ROR1: variants seen among roughly 807,000 people sequenced by gnomAD.
ROR1 encodes inactive tyrosine-protein kinase transmembrane receptor ROR1.
A neutral mutation model predicts 78.8 loss-of-function variants in ROR1; 19 were observed. The observed-to-expected ratio is 0.24, with a 90% CI of 0.17 to 0.35. ROR1 has a LOEUF of 0.35. Among genes scored for constraint, ROR1 ranks in the 10% least tolerant of loss-of-function variants. The pLI is 1.00. For synonymous variants in ROR1, 386 were observed against 433.6 expected, an observed-to-expected ratio of 0.89 and a Z score of 1.36; for missense variants, 917 against 1,177.8, an observed-to-expected ratio of 0.78 and a Z score of 3.24.
chr1:64,159,361 A>G (rs1283931721), intron 8 of ROR1, among the ~76,000 whole-genome samples, 169 bp downstream of exon 8: 1 of 152,150 alleles, frequency 6.6e-6, no homozygotes, highest in African/African-American at 2.4e-5. Context: ...TATCTAAACC[A>G]AGACACTTTC....
chr1:63,878,641 G>C (rs1645303914), intron 1 of ROR1, among the ~76,000 whole-genome samples: 1 of 152,046 alleles, frequency 6.6e-6, no homozygotes, highest in Non-Finnish European at 1.5e-5. Flanking sequence ...TGCTGACTTT[G>C]CTCCTCAGCA....
chr1:63,790,733 T>C (rs1354625362), intron 1 of ROR1, among the ~76,000 whole-genome samples: 1 of 152,190 alleles, frequency 6.6e-6, no homozygotes, highest in African/African-American at 2.4e-5. Flanking sequence ...TTTTTCTCCC[T>C]CCCTGTTGCT....
intron 1 of ROR1, among the ~76,000 whole-genome samples, chr1:63,793,183 C>A (rs879273708): frequency 5.9e-5 from 9 of 152,120 alleles, no homozygotes; most frequent in Non-Finnish European, 8.8e-5. Flanking sequence ...TCTGGGGCTA[C>A]AGAATGGAAA....
intron 2 of ROR1, among the ~76,000 whole-genome samples, chr1:64,016,962 G>A (rs1187033270): frequency 1.3e-5 from 2 of 151,892 alleles, no homozygotes; most frequent in African/African-American, 2.4e-5. Context: ...CTGTCGCCCA[G>A]GCTGGAGTCC....
chr1:63,929,513 A>C (rs775408382), intron 1 of ROR1, among the ~76,000 whole-genome samples: 27 of 152,144 alleles, frequency 1.8e-4, no homozygotes, highest in Admixed American at 7.2e-4. Context: ...CTCACATATT[A>C]GATTAGGAGC....
rs145546517 is a variant in ROR1 at position 63,843,002 on chromosome 1, C to T, written c.91+68494C>T. ...AAAAGCAGTTTGGCAAGACCAGAAC[C>T]GTCAGGGATGGAGGGAGGAGGAAAA... is the stretch of plus-strand genomic sequence containing the variant. On this transcript the variant is annotated intron_variant, in intron 1 of 8. Coordinates refer to ENST00000371079, the MANE Select transcript of ROR1 (RefSeq NM_005012.4). Among the ~76,000 whole-genome samples the T allele has an allele frequency of 2.7e-4, 41 of 152,144 alleles. 2 individuals are homozygous for T. In the East Asian group the frequency reaches 7.0e-3, roughly 26 times the overall value.
intron 4 of ROR1, chr1:64,111,983 CCTT>C (rs1183150883): frequency 5.9e-5 from 9 of 152,188 alleles, no homozygotes; most frequent in Non-Finnish European, 1.0e-4. Context: ...AACAGCCTCA[CCTT>C]CTTGGGGAGG....
At chr1:64,142,349 G>C in intron 6 of ROR1, 56 bp from the exon 7 acceptor site, 1 of 1,601,276 alleles carries the variant, frequency 6.2e-7, no homozygotes, top group South Asian at 1.1e-5. Context: ...CTAGAGGAGA[G>C]CTCCAGCATC....
intron 1 of ROR1, among the ~76,000 whole-genome samples, chr1:63,957,009 T>G (rs1645987769): frequency 6.6e-6 from 1 of 152,162 alleles, no homozygotes; most frequent in South Asian, 2.1e-4. Flanking sequence ...AGAGTTGAAT[T>G]TAAGCCCTGG....
chr1:63,803,244 A>G (rs530361451), intron 1 of ROR1, among the ~76,000 whole-genome samples: 1 of 152,338 alleles, frequency 6.6e-6, no homozygotes, highest in South Asian at 2.1e-4. Flanking sequence ...GGTGGCTCCT[A>G]ATAATGACTC....
At chr1:63,886,789 C>T (rs1412905020) in intron 1 of ROR1, among the ~76,000 whole-genome samples, 1 of 150,838 alleles carries the variant, frequency 6.6e-6, no homozygotes, top group Non-Finnish European at 1.5e-5. Flanking sequence ...GACCACCCAC[C>T]TCCACACTGG....
intron 4 of ROR1, among the ~76,000 whole-genome samples, chr1:64,060,753 C>A (rs1048088341): frequency 8.5e-5 from 13 of 152,076 alleles, no homozygotes; most frequent in African/African-American, 3.1e-4. Context: ...CAGCACTCTG[C>A]AGAGAAGGAG....
chr1:64,020,596 G>T (rs1646557102), intron 2 of ROR1, among the ~76,000 whole-genome samples: 1 of 152,160 alleles, frequency 6.6e-6, no homozygotes, highest in Non-Finnish European at 1.5e-5. Context: ...TATAGGATCA[G>T]ATCCATCCTA....
At chr1:63,794,272 G>T (rs775855359) in intron 1 of ROR1, among the ~76,000 whole-genome samples, 1 of 152,176 alleles carries the variant, frequency 6.6e-6, no homozygotes, top group Non-Finnish European at 1.5e-5. Flanking sequence ...TTACCTTTTG[G>T]TGAGGGCAAA....
At chr1:64,142,293 G>T (rs1261673330) in intron 6 of ROR1, 112 bp from the exon 7 acceptor site, 1 of 1,492,140 alleles carries the variant, frequency 6.7e-7, no homozygotes, top group Non-Finnish European at 8.9e-7. Context: ...CAGGGAAGCT[G>T]TGGCCACGAG....
intron 1 of ROR1, among the ~76,000 whole-genome samples, chr1:63,884,930 A>C (rs956049962): frequency 6.6e-6 from 1 of 152,210 alleles, no homozygotes; most frequent in African/African-American, 2.4e-5. Flanking sequence ...CTCTGGAACC[A>C]GACTGCCTTC....
intron 7 of ROR1, chr1:64,143,197 T>C: frequency 1.0e-6 from 1 of 989,468 alleles, no homozygotes; most frequent in South Asian, 4.6e-5. Context: ...CAGTTAACTG[T>C]TCCTTTTTCT....
chr1:63,888,807 G>A (rs972507339), intron 1 of ROR1, among the ~76,000 whole-genome samples: 2 of 152,036 alleles, frequency 1.3e-5, no homozygotes, highest in Non-Finnish European at 2.9e-5. Context: ...TATGTGCCAA[G>A]CATATGCTCA....
intron 4 of ROR1, among the ~76,000 whole-genome samples, chr1:64,103,469 A>G (rs1647654737): frequency 6.6e-6 from 1 of 152,160 alleles, no homozygotes; most frequent in Admixed American, 6.6e-5. Flanking sequence ...AGTAGAGGAC[A>G]AAGTCAGAAA....
Sources: gnomAD v4.1 joint callset for allele counts (sites outside exome capture counted in the v4.1 genomes callset) on GRCh38, gnomAD v4.1.1 for gene constraint, MANE v1.5 for transcripts, NCBI Gene and HGNC (gene_info 2026-07-23, HGNC 2026-07-21) for gene names.